The following LRRC4C variants were observed in gnomAD, a reference collection of about 807,000 sequenced individuals.
LRRC4C encodes leucine-rich repeat-containing protein 4C.
LRRC4C carries 5 observed loss-of-function variants against 33.6 expected under a neutral mutation model. That is an observed-to-expected ratio of 0.15 (90% CI 0.08 to 0.31). LRRC4C has a LOEUF of 0.31. LRRC4C is among the 10% of genes least tolerant of loss of function. LRRC4C has a pLI of 1.00. For synonymous variants in LRRC4C, 329 were observed against 302.0 expected, an observed-to-expected ratio of 1.09 and a Z score of -0.93; for missense variants, 560 against 796.7, an observed-to-expected ratio of 0.70 and a Z score of 3.58.
intron 3 of LRRC4C, among the ~76,000 whole-genome samples, chr11:40,324,503 C>G (rs1255628370): frequency 6.6e-6 from 1 of 152,154 alleles, no homozygotes; most frequent in Non-Finnish European, 1.5e-5. Flanking sequence ...TTGGAATTAG[C>G]AGTGCTGTAT....
intron 1 of LRRC4C, among the ~76,000 whole-genome samples, chr11:41,447,243 A>G (rs1955853789): frequency 2.0e-5 from 3 of 152,172 alleles, no homozygotes; most frequent in South Asian, 4.1e-4. Flanking sequence ...TCATCTGTAA[A>G]CTAGACATAA....
chr11:41,326,966 C>G lies in LRRC4C; in HGVS notation c.-496+132465G>C, dbSNP rs1421236786. On this transcript the variant is annotated intron_variant, in intron 1 of 6. Coordinates refer to ENST00000528697, the MANE Select transcript of LRRC4C (RefSeq NM_001258419.2). ...CATTCTTGTAGATTACACTGTCAAT[C>G]ATAACATGTATCTAGGGCAAGAAAC... is the stretch of plus-strand genomic sequence containing the variant. 3.3e-5 allele frequency among the ~76,000 whole-genome samples: 5 copies of G among 152,276 alleles called. No homozygotes were observed. In the East Asian group the frequency reaches 7.7e-4, roughly 23 times the overall value.
chr11:41,068,648 C>G (rs1446276937), intron 1 of LRRC4C, among the ~76,000 whole-genome samples: 1 of 152,070 alleles, frequency 6.6e-6, no homozygotes, highest in Non-Finnish European at 1.5e-5. Context: ...GACACATACA[C>G]CCTCGCATAC....
chr11:41,190,379 AG>A (rs1011032347), intron 1 of LRRC4C, among the ~76,000 whole-genome samples: 1 of 152,176 alleles, frequency 6.6e-6, no homozygotes, highest in African/African-American at 2.4e-5. Flanking sequence ...CTGTCTTTTT[AG>A]GGTGTAAACA....
intron 1 of LRRC4C, among the ~76,000 whole-genome samples, chr11:41,192,119 T>C (rs536159594): frequency 4.6e-5 from 7 of 152,158 alleles, no homozygotes; most frequent in Non-Finnish European, 1.0e-4. Context: ...GTGTCTTCTG[T>C]GGCTATTAAT....
intron 2 of LRRC4C, among the ~76,000 whole-genome samples, chr11:40,853,645 C>T (rs1039919033): frequency 6.6e-6 from 1 of 152,066 alleles, no homozygotes; most frequent in Non-Finnish European, 1.5e-5. Flanking sequence ...CCCATGGGGT[C>T]ATTAAAGTAT....
chr11:41,074,870 A>G (rs1938986809), intron 1 of LRRC4C, among the ~76,000 whole-genome samples: 1 of 152,130 alleles, frequency 6.6e-6, no homozygotes, highest in Non-Finnish European at 1.5e-5. Context: ...AAACAAACCA[A>G]CAACAACAAT....
At chr11:41,108,557 G>A (rs1018236497) in intron 1 of LRRC4C, among the ~76,000 whole-genome samples, 3 of 151,986 alleles carry the variant, frequency 2.0e-5, no homozygotes, top group Admixed American at 6.6e-5. Flanking sequence ...GGCCCAGATC[G>A]CAAATTCATT....
chr11:41,270,642 G>A (rs1485974485), intron 1 of LRRC4C, among the ~76,000 whole-genome samples: 1 of 152,090 alleles, frequency 6.6e-6, no homozygotes, highest in East Asian at 1.9e-4. Flanking sequence ...GCTTATAGAA[G>A]ACATTTTCTC....
intron 3 of LRRC4C, among the ~76,000 whole-genome samples, chr11:40,595,896 A>G (rs1302269324): frequency 6.6e-6 from 1 of 152,200 alleles, no homozygotes; most frequent in Non-Finnish European, 1.5e-5. Flanking sequence ...GCTGGGGGAA[A>G]GAAGTCTATA....
chr11:41,174,922 C>T (rs1945131603), intron 1 of LRRC4C, among the ~76,000 whole-genome samples: 1 of 151,856 alleles, frequency 6.6e-6, no homozygotes, highest in Non-Finnish European at 1.5e-5. Flanking sequence ...ATATATCCTG[C>T]CGATTTCATG....
At chr11:40,122,873 A>AAT (rs563251675) in intron 6 of LRRC4C, among the ~76,000 whole-genome samples, 9,067 of 149,032 alleles carry the variant, frequency 0.061, 390 homozygotes, top group Non-Finnish European at 0.091. Context: ...AAACAAAACA[A>AAT]ATATATATAT....
At chr11:40,846,995 G>T (rs1306026967) in intron 2 of LRRC4C, among the ~76,000 whole-genome samples, 1 of 152,248 alleles carries the variant, frequency 6.6e-6, no homozygotes. Context: ...TTTGCACATT[G>T]ATTTTTGTAT....
At chr11:40,399,788 T>G (rs10837398) in intron 3 of LRRC4C, among the ~76,000 whole-genome samples, 1 of 151,588 alleles carries the variant, frequency 6.6e-6, no homozygotes, top group Non-Finnish European at 1.5e-5. Flanking sequence ...AAAAGTAATA[T>G]GAGTGAAATG....
chr11:41,128,621 A>G (rs1287230258), intron 1 of LRRC4C, among the ~76,000 whole-genome samples: 3 of 152,098 alleles, frequency 2.0e-5, no homozygotes, highest in African/African-American at 7.2e-5. Flanking sequence ...TTCATTTGCC[A>G]TAAATTAGTT....
chr11:41,101,542 G>T (rs1401823349), intron 1 of LRRC4C, among the ~76,000 whole-genome samples: 1 of 152,188 alleles, frequency 6.6e-6, no homozygotes, highest in East Asian at 1.9e-4. Flanking sequence ...CTTATACACT[G>T]TTGGTGGGAG....
chr11:40,866,719 G>A (rs1954386732), intron 2 of LRRC4C, among the ~76,000 whole-genome samples: 1 of 152,034 alleles, frequency 6.6e-6, no homozygotes, highest in East Asian at 1.9e-4. Flanking sequence ...TTGCAGCATT[G>A]TTTTAAGGGC....
chr11:41,043,665 C>T (rs1450979353), intron 1 of LRRC4C, among the ~76,000 whole-genome samples: 2 of 151,808 alleles, frequency 1.3e-5, no homozygotes, highest in Non-Finnish European at 2.9e-5. Flanking sequence ...AGCAACTTGC[C>T]CAAGCTCACG....
At position 41,331,066 on chromosome 11, in the gene LRRC4C, T is replaced by C. The variant is rs1219096665; in HGVS notation, c.-496+128365A>G. On this transcript the variant is annotated intron_variant, in intron 1 of 6. Coordinates refer to ENST00000528697, the MANE Select transcript of LRRC4C (RefSeq NM_001258419.2). ...TATAGTAGGGAGCCTGGTACTTCCTTAGCTGAATAAGCAGAGGGTCCAACA... is the reference window on the plus strand; with the variant it reads ...TATAGTAGGGAGCCTGGTACTTCCTCAGCTGAATAAGCAGAGGGTCCAACA... Among the ~76,000 whole-genome samples, 3 of 152,158 alleles carry C rather than the reference T, an allele frequency of 2.0e-5. No individual in the cohort carries two copies. In the East Asian group the frequency reaches 5.8e-4, roughly 29 times the overall value.
Sources: gnomAD v4.1 joint callset for allele counts (sites outside exome capture counted in the v4.1 genomes callset) on GRCh38, gnomAD v4.1.1 for gene constraint, MANE v1.5 for transcripts, NCBI Gene and HGNC (gene_info 2026-07-23, HGNC 2026-07-21) for gene names.